NPHS1: variants seen among roughly 807,000 people sequenced by gnomAD.
NPHS1 encodes nephrin.
NPHS1 carries 107 observed loss-of-function variants against 139.7 expected under a neutral mutation model. The ratio of observed to expected loss-of-function variants is 0.77; its 90% CI spans 0.66 to 0.90. The LOEUF (loss-of-function observed/expected upper bound fraction) is 0.90. Ranked by LOEUF, NPHS1 falls within the 40% of genes least tolerant of loss-of-function variation. The pLI is 0.00. For missense variants in NPHS1, 1,580 were observed against 1,654.2 expected, an observed-to-expected ratio of 0.96 and a Z score of 0.78; for synonymous variants, 707 against 706.6, an observed-to-expected ratio of 1.00 and a Z score of -0.01.
intron 9 of NPHS1, 35 bp from the exon 10 acceptor site, chr19:35,848,432 A>T: frequency 6.2e-7 from 1 of 1,613,910 alleles, no homozygotes; most frequent in Non-Finnish European, 8.5e-7. Context: ...TGGGGACTGC[A>T]GCACCCCTAT....
At chr19:35,850,766 T>A (rs1222333073) in intron 4 of NPHS1, among the ~76,000 whole-genome samples, 195 bp downstream of exon 4, 1 of 152,212 alleles carries the variant, frequency 6.6e-6, no homozygotes, top group African/African-American at 2.4e-5. Context: ...TGCTGGTTGC[T>A]GCCGCCCTCG....
intron 14 of NPHS1, 71 bp from the exon 15 acceptor site, chr19:35,844,530 G>A: frequency 6.7e-7 from 1 of 1,500,868 alleles, no homozygotes. Flanking sequence ...TGGAGATCAG[G>A]CACAGGTTCA....
chr19:35,826,497 T>C lies in NPHS1; in HGVS notation c.*17A>G. On this transcript the variant is annotated 3_prime_UTR_variant, in exon 29 of 29. Transcript: ENST00000378910. The stretch of plus-strand genomic sequence containing the variant: ...GTAAATTCCTGCAGGTGCAGGACAA[T>C]GGGGTTGAGAGGGCTCTTACACCAG... The C allele has an allele frequency of 3.7e-6, 6 of 1,612,918 alleles. No individual in the cohort carries two copies. Among genetic ancestry groups the C allele is most frequent in the Non-Finnish European group, 5.1e-6 (6 of 1,179,830 alleles).
At chr19:35,850,496 T>C in intron 4 of NPHS1, 51 bp from the exon 5 acceptor site, 1 of 1,507,574 alleles carries the variant, frequency 6.6e-7, no homozygotes, top group Non-Finnish European at 9.2e-7. Flanking sequence ...GCAAGATAGA[T>C]TCTGGGGAGC....
chr19:35,839,326 G>A lies in NPHS1; in HGVS notation c.3020C>T (p.Thr1007Ile), dbSNP rs775505579. ...GGCCAGCAGCCAGACCCTGTATCTT[G>A]TAGAAGGCTGTAGACCAGTCAGCGT... ...TFTLTGLQPS[T>I]RYRVWLLASN... Residue 1007 changes from threonine (T) to isoleucine (I), a missense_variant, in exon 22 of 29, where the codon ACA becomes ATA. Physicochemically the swap from Thr to Ile is moderately conservative, Grantham distance 89. Transcript: ENST00000378910. 6.2e-7 allele frequency: 1 copy of A among 1,614,098 alleles called. No homozygotes were observed. Among genetic ancestry groups the A allele is most frequent in the African/African-American group, 1.3e-5 (1 of 74,934 alleles).
At chr19:35,835,634 G>C in intron 23 of NPHS1, 71 bp downstream of exon 23, 1 of 1,321,102 alleles carries the variant, frequency 7.6e-7, no homozygotes, top group Non-Finnish European at 1.1e-6. Flanking sequence ...ACAAGCAGAG[G>C]AGGTAGGGTC....
chr19:35,846,395 T>C (rs909756044), intron 11 of NPHS1, among the ~76,000 whole-genome samples: 22 of 152,114 alleles, frequency 1.4e-4, no homozygotes, highest in Admixed American at 2.6e-4. Context: ...CTGGAGTCTC[T>C]CCCGCCTCCC....
chr19:35,848,642 T>A lies in NPHS1; in HGVS notation c.1165A>T (p.Met389Leu). 6.2e-7 allele frequency: 1 copy of A among 1,613,518 alleles called. No individual in the cohort carries two copies. The highest frequency in any genetic ancestry group is 1.1e-5 in the South Asian group (1 of 91,046). Reference protein sequence around the residue: ...RQLLPMEETVMDGLHGGHISM... With the variant: ...RQLLPMEETVLDGLHGGHISM... The stretch of plus-strand genomic sequence containing the variant: ...GAGCCTGGCCCCCGCCTCACATCCA[T>A]GACTGTCTCCTCCATGGGCAGCAGC... Residue 389 changes from methionine to leucine, a missense_variant, in exon 9 of 29, where the codon ATG becomes TTG. Transcript: ENST00000378910.
chr19:35,852,213 G>A lies in NPHS1; in HGVS notation c.-376C>T, dbSNP rs1789760177. ...CCAAGTGTTGGGATTACAGGCGTGAGCCACTGCGCCCAGTCTCTTTATCTT... is the reference window on the plus strand; with the variant it reads ...CCAAGTGTTGGGATTACAGGCGTGAACCACTGCGCCCAGTCTCTTTATCTT... On this transcript the variant is annotated 5_prime_UTR_variant, in exon 1 of 29. Coordinates refer to ENST00000378910, the MANE Select transcript of NPHS1 (RefSeq NM_004646.4). Among the ~76,000 whole-genome samples, 1 of 150,920 alleles carries A rather than the reference G, an allele frequency of 6.6e-6. No individual in the cohort carries two copies. The highest frequency in any genetic ancestry group is 2.4e-5 in the African/African-American group (1 of 40,996).
intron 4 of NPHS1, 78 bp downstream of exon 4, chr19:35,850,883 G>A (rs1973234649): frequency 1.9e-6 from 3 of 1,562,180 alleles, no homozygotes; most frequent in South Asian, 2.3e-5. Flanking sequence ...CCTTAGAAGG[G>A]TACTGGTCAG....
chr19:35,850,963 AG>A lies in NPHS1; in HGVS notation c.523del (p.Leu175Ter). 1 of 1,613,996 alleles carries A rather than the reference AG, an allele frequency of 6.2e-7. No homozygotes were observed. Among genetic ancestry groups the A allele is most frequent in the Non-Finnish European group, 8.5e-7 (1 of 1,179,994 alleles). ...AKPAPDITIL[L>X]SGQTISDISA... ...CCACCCAGTTCACCCACACTCACTC[AG>A]GAGAATGGTGATGTCAGGTGCTGGC... On this transcript the variant is annotated frameshift_variant, in exon 4 of 29. Transcript: ENST00000378910. LOFTEE classifies it high-confidence loss of function.
chr19:35,850,690 T>C (rs1359585899), intron 4 of NPHS1, among the ~76,000 whole-genome samples: 1 of 152,140 alleles, frequency 6.6e-6, no homozygotes, highest in Non-Finnish European at 1.5e-5. Context: ...CCATGCACCC[T>C]ATCCCTCAGC....
In NPHS1 at chr19:35,847,997, C is replaced by T. The variant is rs777067894; in HGVS notation, c.1440+44G>A. Reference sequence around the variant, plus strand: ...AAGGAGAGAAGGGGCCTGGTCCTTCCCCCACATTCCTGGCCACCCCCATAG... The same window carrying T: ...AAGGAGAGAAGGGGCCTGGTCCTTCTCCCACATTCCTGGCCACCCCCATAG... On this transcript the variant is annotated intron_variant, in intron 11 of 28. Coordinates refer to ENST00000378910, the MANE Select transcript of NPHS1 (RefSeq NM_004646.4). 5 of 1,604,592 alleles carry T rather than the reference C, an allele frequency of 3.1e-6. No homozygotes were observed. In the African/African-American group the frequency reaches 6.7e-5, roughly 21 times the overall value.
At chr19:35,835,576 G>A (rs150784877) in intron 23 of NPHS1, 129 bp downstream of exon 23, 21 of 860,748 alleles carry the variant, frequency 2.4e-5, no homozygotes, top group Middle Eastern at 3.4e-4. Flanking sequence ...GATTACAGGC[G>A]TGAGCGACTG....
Position 35,845,822 on chromosome 19 carries a change from G to A in NPHS1, c.1628-24C>T. On this transcript the variant is annotated intron_variant, in intron 12 of 28. Transcript: ENST00000378910. The surrounding 1 kb of genome is among the most constrained non-coding windows in gnomAD (Gnocchi z 5.5). ...AACTGGGAGACGGGGTTGGAGGAGC[G>A]AGACTCAGAGGTTAGGGGCGGCCTG... is the stretch of plus-strand genomic sequence containing the variant. The A allele has an allele frequency of 1.2e-6, 2 of 1,609,284 alleles. No homozygotes were observed. The highest frequency in any genetic ancestry group is 1.7e-6 in the Non-Finnish European group (2 of 1,176,896).
chr19:35,843,931 A>T, intron 16 of NPHS1, 172 bp downstream of exon 16: 1 of 891,876 alleles, frequency 1.1e-6, no homozygotes, highest in Non-Finnish European at 1.7e-6. Context: ...GGGTCTCTCT[A>T]GTGGGAGGGG....
chr19:35,826,555 G>A lies in NPHS1; in HGVS notation c.3685C>T (p.Pro1229Ser). 6.2e-7 allele frequency: 1 copy of A among 1,613,988 alleles called. No individual in the cohort carries two copies. Among genetic ancestry groups the A allele is most frequent in the Non-Finnish European group, 8.5e-7 (1 of 1,180,026 alleles). The change falls in exon 29 of 29, where the codon CCC becomes TCC. Residue 1229 changes from proline (P) to serine (S), a missense_variant. Transcript: ENST00000378910. ...QVAGDLDTLE[P>S]DSLPFELRGH... ...CTCAGCTCGAAGGGCAGAGAATCGG[G>A]TTCCAGAGTGTCCAAGTCTCCGGCC...
At chr19:35,848,836 T>G (rs1158642232) in intron 8 of NPHS1, 42 bp from the exon 9 acceptor site, 1 of 1,613,596 alleles carries the variant, frequency 6.2e-7, no homozygotes, top group East Asian at 2.2e-5. Flanking sequence ...GGGCTGGATT[T>G]CTCACAGACC....
chr19:35,847,945 C>A (rs1973167438), intron 11 of NPHS1, 96 bp downstream of exon 11: 2 of 1,362,634 alleles, frequency 1.5e-6, no homozygotes, highest in South Asian at 1.3e-5. Context: ...GAAATTTAAT[C>A]TTTTTCCAAG....
Sources: allele counts gnomAD v4.1 joint callset (sites outside exome capture counted in the v4.1 genomes callset), GRCh38; gene constraint gnomAD v4.1.1; non-coding constraint Gnocchi (gnomAD v3.1); transcripts MANE v1.5; gene names NCBI Gene and HGNC (gene_info 2026-07-23, HGNC 2026-07-21).